PTPRN2: variants seen among roughly 807,000 people sequenced by gnomAD.
The protein encoded by PTPRN2 is receptor-type tyrosine-protein phosphatase N2.
A neutral mutation model predicts 118.8 loss-of-function variants in PTPRN2; 74 were observed. The observed-to-expected ratio is 0.62, with a 90% CI of 0.52 to 0.76. The LOEUF is 0.76. Ranked by LOEUF, PTPRN2 falls within the 30% of genes least tolerant of loss-of-function variation. The pLI, the probability that PTPRN2 is intolerant of heterozygous loss-of-function variation, is 0.00. For missense variants in PTPRN2, 1,481 were observed against 1,394.4 expected, an observed-to-expected ratio of 1.06 and a Z score of -0.99; for synonymous variants, 641 against 608.0, an observed-to-expected ratio of 1.05 and a Z score of -0.80.
intron 12 of PTPRN2, among the ~76,000 whole-genome samples, chr7:157,866,377 A>G (rs1479968166): frequency 6.6e-6 from 1 of 152,062 alleles, no homozygotes; most frequent in Non-Finnish European, 1.5e-5. Flanking sequence ...CATACACATG[A>G]GCACACACAC....
intron 12 of PTPRN2, among the ~76,000 whole-genome samples, chr7:157,755,905 C>T (rs921204036): frequency 8.5e-5 from 13 of 152,312 alleles, no homozygotes; most frequent in African/African-American, 2.9e-4. Flanking sequence ...AAGAAGAATG[C>T]GAGCATTTCC....
chr7:158,128,472 G>T (rs1817879365), intron 9 of PTPRN2, among the ~76,000 whole-genome samples: 1 of 152,158 alleles, frequency 6.6e-6, no homozygotes, highest in African/African-American at 2.4e-5. Context: ...AAAAGGCATG[G>T]CCGGCAAACC....
At chr7:157,542,586 C>T (rs932572240) in intron 22 of PTPRN2, among the ~76,000 whole-genome samples, 1 of 152,158 alleles carries the variant, frequency 6.6e-6, no homozygotes, top group African/African-American at 2.4e-5. Context: ...AGCCCAATAT[C>T]CATGCTATGG....
rs1419271374 is a variant in PTPRN2, at chr7:157,590,933, TC to T, written c.2496+4304del. ...GCTGCTTGGAAAAGGTCTTTTTTCT[TC>T]TTAGCCATTGTACTGGGTAGAATCA... is the stretch of plus-strand genomic sequence containing the variant. On this transcript the variant is annotated intron_variant, in intron 17 of 22. Coordinates refer to ENST00000389418, the MANE Select transcript of PTPRN2 (RefSeq NM_002847.5). This position sits in a 1 kb window ranked among gnomAD's most constrained non-coding sequence, Gnocchi z 4.0. 2.0e-5 allele frequency among the ~76,000 whole-genome samples: 3 copies of T among 152,132 alleles called. No individual in the cohort carries two copies. The East Asian group carries it at 5.8e-4, about 29-fold the overall frequency.
At chr7:158,556,020 C>CATAG (rs372435169) in intron 1 of PTPRN2, among the ~76,000 whole-genome samples, 124 of 152,104 alleles carry the variant, frequency 8.2e-4, no homozygotes, top group African/African-American at 2.4e-3. Flanking sequence ...AGATGGTTGT[C>CATAG]ATAGATAGAT....
intron 11 of PTPRN2, among the ~76,000 whole-genome samples, chr7:158,002,291 A>G (rs886352760): frequency 1.3e-5 from 2 of 152,168 alleles, no homozygotes; most frequent in African/African-American, 4.8e-5. Context: ...CCCTTTATTA[A>G]GAGTTGGTTC....
intron 12 of PTPRN2, among the ~76,000 whole-genome samples, chr7:157,854,171 C>T (rs967916064): frequency 6.6e-6 from 1 of 152,234 alleles, no homozygotes; most frequent in Non-Finnish European, 1.5e-5. Flanking sequence ...GCCTCCCTCT[C>T]CCATCACTGA....
chr7:158,581,160 T>G (rs1828605671), intron 1 of PTPRN2, among the ~76,000 whole-genome samples: 1 of 151,770 alleles, frequency 6.6e-6, no homozygotes. Flanking sequence ...CCTCGGCCCA[T>G]CCTGGGATGA....
At chr7:157,616,515 C>G (rs1476510234) in intron 15 of PTPRN2, 1 of 152,174 alleles carries the variant, frequency 6.6e-6, no homozygotes, top group Non-Finnish European at 1.5e-5. Flanking sequence ...AAGAAAAAGG[C>G]CCACACAGAA....
intron 21 of PTPRN2, among the ~76,000 whole-genome samples, chr7:157,557,190 ACAC>A (rs1798941176): frequency 2.0e-5 from 3 of 149,838 alleles, no homozygotes; most frequent in Admixed American, 1.3e-4. Flanking sequence ...TGCACACACC[ACAC>A]AACACACACA....
chr7:157,914,694 C>T (rs935242781), intron 11 of PTPRN2, among the ~76,000 whole-genome samples: 2 of 151,948 alleles, frequency 1.3e-5, no homozygotes, highest in African/African-American at 4.8e-5. Flanking sequence ...TCTGCTGGAA[C>T]ACTTATGAAT....
chr7:157,630,002 AG>A (rs1403065808), intron 14 of PTPRN2, among the ~76,000 whole-genome samples: 1 of 152,216 alleles, frequency 6.6e-6, no homozygotes, highest in African/African-American at 2.4e-5. Flanking sequence ...AAATAAACAC[AG>A]TCACCTGTCT....
intron 2 of PTPRN2, among the ~76,000 whole-genome samples, chr7:158,377,857 C>T (rs920831068): frequency 6.6e-6 from 1 of 152,174 alleles, no homozygotes; most frequent in African/African-American, 2.4e-5. Flanking sequence ...GCAGAAGCCT[C>T]CCCCACAGTC....
chr7:158,209,113 T>TA (rs34181322), intron 3 of PTPRN2, among the ~76,000 whole-genome samples: 49,918 of 147,700 alleles, frequency 0.34, 11,086 homozygotes, highest in African/African-American at 0.63. Context: ...CACTTTCACT[T>TA]AAAAAAAAAA....
chr7:158,332,209 A>G (rs1804614594), intron 2 of PTPRN2, among the ~76,000 whole-genome samples: 1 of 148,810 alleles, frequency 6.7e-6, no homozygotes, highest in Admixed American at 6.6e-5. Context: ...TGCAGACATC[A>G]CTCACATCCA....
intron 12 of PTPRN2, among the ~76,000 whole-genome samples, chr7:157,825,837 G>A (rs1426361222): frequency 6.6e-6 from 1 of 152,238 alleles, no homozygotes; most frequent in African/African-American, 2.4e-5. Context: ...CCCAGGCACT[G>A]TTCTGGAGAC....
At chr7:157,847,103 C>A (rs1226026834) in intron 12 of PTPRN2, among the ~76,000 whole-genome samples, 1 of 141,984 alleles carries the variant, frequency 7.0e-6, no homozygotes, top group African/African-American at 2.7e-5. Context: ...CTCTCTGACT[C>A]CATCATGTGT....
At chr7:158,323,162 A>C (rs1803178914) in intron 2 of PTPRN2, among the ~76,000 whole-genome samples, 1 of 152,166 alleles carries the variant, frequency 6.6e-6, no homozygotes, top group African/African-American at 2.4e-5. Flanking sequence ...GGGAGAGGCG[A>C]GACATGGAAG....
intron 2 of PTPRN2, among the ~76,000 whole-genome samples, chr7:158,340,304 G>T (rs1454967046): frequency 2.1e-5 from 2 of 96,922 alleles, no homozygotes; most frequent in African/African-American, 7.5e-5. Context: ...CACCATAGGA[G>T]CTGACACCCA....
Sources: gnomAD v4.1 joint callset for allele counts (sites outside exome capture counted in the v4.1 genomes callset) on GRCh38, gnomAD v4.1.1 for gene constraint, Gnocchi (gnomAD v3.1) non-coding constraint, MANE v1.5 for transcripts, NCBI Gene and HGNC (gene_info 2026-07-23, HGNC 2026-07-21) for gene names.